SUCO: variants seen among roughly 807,000 people sequenced by gnomAD.
SUCO encodes the protein SUN domain containing ossification factor.
A neutral mutation model predicts 148.1 loss-of-function variants in SUCO; 57 were observed. The ratio of observed to expected loss-of-function variants is 0.38; its 90% confidence interval spans 0.31 to 0.48. SUCO has a LOEUF of 0.48. Among genes scored for constraint, SUCO ranks in the 20% least tolerant of loss-of-function variants. The pLI, the probability that SUCO is intolerant of heterozygous loss-of-function variation, is 0.96. For missense variants in SUCO, 1,331 were observed against 1,468.2 expected, an observed-to-expected ratio of 0.91 and a Z score of 1.53; for synonymous variants, 470 against 502.7, an observed-to-expected ratio of 0.93 and a Z score of 0.87.
rs566822220 is a variant in SUCO, at chr1:172,600,673, A to G, written c.3018+505A>G. 1.3e-4 allele frequency among the ~76,000 whole-genome samples: 19 copies of G among 148,792 alleles called. No homozygotes were observed. The East Asian group carries it at 3.7e-3, about 29-fold the overall frequency. Reference sequence around the variant, plus strand: ...AAATAGATGATAATTTCTCCTAGTGATACGTACTATGAAGAAAATTAAATG... The same window carrying G: ...AAATAGATGATAATTTCTCCTAGTGGTACGTACTATGAAGAAAATTAAATG... On this transcript the variant is annotated intron_variant, in intron 20 of 23. Transcript: ENST00000263688.
At chr1:172,584,989 G>C in intron 15 of SUCO, 29 bp from the exon 16 acceptor site, 2 of 1,399,378 alleles carry the variant, frequency 1.4e-6, no homozygotes, top group Non-Finnish European at 2.0e-6. Context: ...TAGGTATTTG[G>C]TACTTTTTCT....
chr1:172,608,905 C>T, intron 23 of SUCO, 103 bp downstream of exon 23: 1 of 775,778 alleles, frequency 1.3e-6, no homozygotes. Flanking sequence ...TAGTCCTTAA[C>T]TGAATGTTTA....
At chr1:172,575,497 C>T (rs1449601667) in intron 10 of SUCO, 21 bp from the exon 11 acceptor site, 2 of 1,508,494 alleles carry the variant, frequency 1.3e-6, no homozygotes, top group Non-Finnish European at 1.8e-6. Flanking sequence ...TAAAAAAGAA[C>T]ATATTGCTTA....
intron 6 of SUCO, among the ~76,000 whole-genome samples, chr1:172,562,823 C>T (rs1654276780): frequency 6.6e-6 from 1 of 152,178 alleles, no homozygotes; most frequent in African/African-American, 2.4e-5. Flanking sequence ...GCCACCCAAA[C>T]CTCATGTTGA....
At chr1:172,609,566 C>G (rs1558219393) in intron 23 of SUCO, 2 of 984,560 alleles carry the variant, frequency 2.0e-6, no homozygotes, top group East Asian at 1.1e-4. Context: ...ATTAGTATCA[C>G]TCCCTAAACC....
At chr1:172,569,447 T>A (rs1558188887) in intron 7 of SUCO, 1 of 979,112 alleles carries the variant, frequency 1.0e-6, no homozygotes, top group Non-Finnish European at 1.2e-6. Flanking sequence ...AAAATTCATA[T>A]GGAACTCAAA....
chr1:172,535,406 G>T (rs1571164897), intron 1 of SUCO, among the ~76,000 whole-genome samples: 1 of 152,130 alleles, frequency 6.6e-6, no homozygotes, highest in East Asian at 1.9e-4. Context: ...AGGCTTAAAG[G>T]GTTTTTTAAA....
intron 19 of SUCO, among the ~76,000 whole-genome samples, chr1:172,594,072 T>C (rs1656888019): frequency 6.6e-6 from 1 of 152,196 alleles, no homozygotes; most frequent in Non-Finnish European, 1.5e-5. Flanking sequence ...TAGAGGTGTT[T>C]ATAGTATTCT....
chr1:172,545,007 G>T (rs1446461678), intron 1 of SUCO, among the ~76,000 whole-genome samples: 1 of 152,128 alleles, frequency 6.6e-6, no homozygotes, highest in African/African-American at 2.4e-5. Flanking sequence ...GAAATGATTT[G>T]AAGAAATTTA....
chr1:172,535,398 G>T (rs998905798), intron 1 of SUCO, among the ~76,000 whole-genome samples: 1 of 152,174 alleles, frequency 6.6e-6, no homozygotes, highest in Non-Finnish European at 1.5e-5. Flanking sequence ...GGACATTAAG[G>T]CTTAAAGGGT....
intron 10 of SUCO, 108 bp from the exon 11 acceptor site, chr1:172,575,410 A>G: frequency 1.5e-6 from 1 of 679,512 alleles, no homozygotes; most frequent in Non-Finnish European, 2.5e-6. Context: ...CTGTTAAGTC[A>G]GCGTGTTCAC....
intron 15 of SUCO, among the ~76,000 whole-genome samples, chr1:172,582,654 A>C (rs1335210765): frequency 4.6e-5 from 7 of 152,158 alleles, no homozygotes; most frequent in African/African-American, 7.2e-5. Context: ...TGGTGTATAC[A>C]AACTATCATG....
Position 172,577,762 on chromosome 1 carries a change from A to C in SUCO, c.1285-2A>C. On this transcript the variant is annotated splice_acceptor_variant, in intron 12 of 23. Coordinates refer to ENST00000263688, the MANE Select transcript of SUCO (RefSeq NM_014283.5). LOFTEE classifies it high-confidence loss of function. ...CCCATTTTATGTGCTTTTATTCTTT[A>C]GGTTGAGTTGCTATCACATTTTGGA... 6.2e-7 allele frequency: 1 copy of C among 1,611,490 alleles called. No individual in the cohort carries two copies. Among genetic ancestry groups the C allele is most frequent in the Non-Finnish European group, 8.5e-7 (1 of 1,178,386 alleles).
intron 4 of SUCO, 147 bp downstream of exon 4, chr1:172,556,170 C>T (rs943223526): frequency 4.7e-5 from 28 of 598,978 alleles, no homozygotes; most frequent in Admixed American, 1.8e-4. Context: ...GTTTTGTGTG[C>T]GTATGTGTGC....
intron 22 of SUCO, chr1:172,607,980 A>C: frequency 3.5e-6 from 2 of 578,410 alleles, no homozygotes; most frequent in Non-Finnish European, 4.4e-6. Context: ...TAAATTGTTT[A>C]TTTTTAGTGG....
intron 3 of SUCO, among the ~76,000 whole-genome samples, chr1:172,554,357 G>A (rs1278793967): frequency 1.3e-5 from 2 of 152,148 alleles, no homozygotes; most frequent in Non-Finnish European, 2.9e-5. Context: ...ACCATGTCTT[G>A]TATACCTATG....
upstream of SUCO, chr1:172,533,001 G>A (rs1321015694): frequency 3.5e-6 from 5 of 1,415,852 alleles, no homozygotes; most frequent in Admixed American, 2.9e-5. Context: ...GGGTGCGGGC[G>A]CCGCGGGACT....
intron 2 of SUCO, 91 bp downstream of exon 2, chr1:172,551,717 C>A: frequency 1.2e-6 from 1 of 801,002 alleles, no homozygotes; most frequent in South Asian, 1.9e-5. Context: ...TCAAAAATGC[C>A]ATGCCATAAT....
intron 22 of SUCO, chr1:172,603,025 T>A: frequency 2.3e-6 from 1 of 438,406 alleles, no homozygotes; most frequent in Non-Finnish European, 4.1e-6. Flanking sequence ...TAGCTTTGTT[T>A]GCACATGCTC....
Sources: allele counts gnomAD v4.1 joint callset (sites outside exome capture counted in the v4.1 genomes callset), GRCh38; gene constraint gnomAD v4.1.1; transcripts MANE v1.5; gene names NCBI Gene and HGNC (gene_info 2026-07-23, HGNC 2026-07-21).